Variants in LRP1B observed in about 807,000 individuals in gnomAD.
LRP1B encodes low-density lipoprotein receptor-related protein 1B.
Under a neutral mutation model 556.6 loss-of-function variants are expected in LRP1B, and 217 were observed. That is an observed-to-expected ratio of 0.39 (90% CI 0.35 to 0.44). The LOEUF is 0.44. Ranked by LOEUF, LRP1B falls within the 20% of genes least tolerant of loss-of-function variation. LRP1B has a pLI of 1.00. For synonymous variants in LRP1B, 2,047 were observed against 1,865.8 expected (o/e 1.10, Z -2.50); for missense variants, 5,053 against 5,620.8 (o/e 0.90, Z 3.23).
chr2:140,474,945 A>G (rs1687908313), intron 60 of LRP1B, among the ~76,000 whole-genome samples, 193 bp downstream of exon 60: 3 of 150,646 alleles, frequency 2.0e-5, no homozygotes, highest in Non-Finnish European at 4.5e-5. Context: ...ATAGTGTAAA[A>G]TATCTTGTGC....
chr2:140,538,581 T>C (rs890429279), intron 45 of LRP1B, among the ~76,000 whole-genome samples: 9 of 152,096 alleles, frequency 5.9e-5, no homozygotes, highest in Non-Finnish European at 1.3e-4. Context: ...TTTCTCTTGG[T>C]GCAGTCTAAA....
intron 35 of LRP1B, among the ~76,000 whole-genome samples, chr2:140,731,716 C>T (rs1175686176): frequency 1.5e-5 from 2 of 134,820 alleles, no homozygotes; most frequent in Admixed American, 8.6e-5. Context: ...TGCAGTGAGC[C>T]GAGACCGTGC....
chr2:140,860,975 CATCTATCTATCTATCT>C lies in LRP1B; in HGVS notation c.4579+6599_4579+6614del, dbSNP rs35339728. Among the ~76,000 whole-genome samples, 270 of 145,970 alleles carry C rather than the reference CATCTATCTATCTATCT, an allele frequency of 1.8e-3. 2 individuals carry two copies. The highest frequency in any genetic ancestry group is 0.011 in the East Asian group (55 of 4,932). ...TGTAAAACGAAGTAAGAGAATTGTG[CATCTATCTATCTATCT>C]ATCTATCTATCTATCTATCTATCTA... On this transcript the variant is annotated intron_variant, in intron 27 of 90. Coordinates refer to ENST00000389484, the MANE Select transcript of LRP1B (RefSeq NM_018557.3).
At chr2:140,591,615 T>C (rs1043741057) in intron 43 of LRP1B, among the ~76,000 whole-genome samples, 1 of 152,180 alleles carries the variant, frequency 6.6e-6, no homozygotes. Context: ...GGATGATAGC[T>C]ATATAGTCTA....
chr2:141,274,102 C>T (rs1216168193), intron 3 of LRP1B, among the ~76,000 whole-genome samples: 1 of 152,178 alleles, frequency 6.6e-6, no homozygotes, highest in Non-Finnish European at 1.5e-5. Context: ...AATCCTCCTA[C>T]ACTCTTGATG....
chr2:141,058,372 A>G (rs1699242600), intron 9 of LRP1B, among the ~76,000 whole-genome samples: 1 of 151,862 alleles, frequency 6.6e-6, no homozygotes, highest in Non-Finnish European at 1.5e-5. Flanking sequence ...GATGAACAGC[A>G]TCACTAATCT....
At chr2:141,500,940 T>A (rs573918376) in intron 2 of LRP1B, among the ~76,000 whole-genome samples, 1 of 152,252 alleles carries the variant, frequency 6.6e-6, no homozygotes, top group South Asian at 2.1e-4. Context: ...ATCCTTTGAT[T>A]TTTTTCATTG....
chr2:141,018,902 G>T (rs1427290003), intron 12 of LRP1B, among the ~76,000 whole-genome samples: 1 of 151,990 alleles, frequency 6.6e-6, no homozygotes, highest in African/African-American at 2.4e-5. Context: ...ACAATTCTAG[G>T]AACCGCAATT....
chr2:141,277,216 C>A (rs1319399165), intron 3 of LRP1B, among the ~76,000 whole-genome samples: 1 of 152,190 alleles, frequency 6.6e-6, no homozygotes. Context: ...AATCGCCAAC[C>A]TACTTTCCAC....
chr2:140,878,867 C>T (rs778012740), intron 25 of LRP1B, among the ~76,000 whole-genome samples: 31 of 151,704 alleles, frequency 2.0e-4, no homozygotes, highest in South Asian at 4.2e-4. Context: ...ATTGGCTGGG[C>T]GTGGTGGCAC....
intron 1 of LRP1B, among the ~76,000 whole-genome samples, chr2:142,084,075 A>T (rs10193364): frequency 0.023 from 3,498 of 149,462 alleles, 56 homozygotes; most frequent in African/African-American, 0.04. Context: ...CGCCTCCTGG[A>T]TTCAAGCGAT....
chr2:141,400,655 T>C (rs1316913242), intron 3 of LRP1B, among the ~76,000 whole-genome samples: 1 of 152,212 alleles, frequency 6.6e-6, no homozygotes, highest in East Asian at 1.9e-4. Flanking sequence ...CTCTAGACTA[T>C]GCCAAATTCC....
intron 41 of LRP1B, among the ~76,000 whole-genome samples, chr2:140,675,383 T>G (rs542114961): frequency 4.6e-5 from 7 of 152,272 alleles, no homozygotes; most frequent in African/African-American, 1.7e-4. Context: ...TTAAGTTAAT[T>G]TATGCCAAAA....
chr2:140,671,295 C>T (rs369802777), intron 41 of LRP1B, among the ~76,000 whole-genome samples: 12 of 152,090 alleles, frequency 7.9e-5, no homozygotes, highest in East Asian at 7.7e-4. Context: ...CCAAGGCGGG[C>T]GGATCATGAG....
intron 3 of LRP1B, among the ~76,000 whole-genome samples, chr2:141,289,875 T>C (rs1573760255): frequency 6.6e-6 from 1 of 152,208 alleles, no homozygotes; most frequent in South Asian, 2.1e-4. Flanking sequence ...ACCTTATATA[T>C]GTGTTACTGC....
At chr2:141,079,155 AAAAAC>A (rs773378865) in intron 7 of LRP1B, among the ~76,000 whole-genome samples, 1 of 152,150 alleles carries the variant, frequency 6.6e-6, no homozygotes, top group East Asian at 1.9e-4. Flanking sequence ...TGCAAGTATA[AAAAAC>A]AAAACAAAAC....
chr2:140,536,521 A>G (rs1690980793), intron 46 of LRP1B, 60 bp downstream of exon 46: 1 of 1,553,674 alleles, frequency 6.4e-7, no homozygotes, highest in Admixed American at 2.0e-5. Context: ...AAGCAAACCA[A>G]AAACTGTAAA....
intron 3 of LRP1B, among the ~76,000 whole-genome samples, chr2:141,327,881 A>T (rs1181686040): frequency 1.1e-5 from 1 of 91,980 alleles, no homozygotes; most frequent in Non-Finnish European, 2.3e-5. Flanking sequence ...AGAGTGAGAG[A>T]GAGAGAGAGA....
chr2:141,407,453 T>C (rs1043213135), intron 3 of LRP1B, among the ~76,000 whole-genome samples: 3 of 152,136 alleles, frequency 2.0e-5, no homozygotes, highest in African/African-American at 7.2e-5. Flanking sequence ...TCAGATTGAA[T>C]TGTAATCCCC....
Sources: gnomAD v4.1 joint callset for allele counts (sites outside exome capture counted in the v4.1 genomes callset) on GRCh38, gnomAD v4.1.1 for gene constraint, MANE v1.5 for transcripts, NCBI Gene and HGNC (gene_info 2026-07-23, HGNC 2026-07-21) for gene names.